The following LGI2 variants were observed in gnomAD, a reference collection of about 807,000 sequenced individuals.
The protein encoded by LGI2 is leucine-rich repeat LGI family member 2.
In LGI2, 30 loss-of-function variants were observed where a neutral mutation model predicts 52.0. The observed-to-expected ratio is 0.58, with a 90% CI of 0.43 to 0.78. The LOEUF (loss-of-function observed/expected upper bound fraction) is 0.78, where lower values mean the gene tolerates loss of function less well. LGI2 is among the 30% of genes least tolerant of loss of function. The pLI is 0.00. For missense variants in LGI2, 573 were observed against 692.5 expected, an observed-to-expected ratio of 0.83 and a Z score of 1.94; for synonymous variants, 270 against 271.8, an observed-to-expected ratio of 0.99 and a Z score of 0.06.
At chr4:25,024,567 C>T (rs1726079647) in intron 4 of LGI2, among the ~76,000 whole-genome samples, 1 of 152,198 alleles carries the variant, frequency 6.6e-6, no homozygotes, top group South Asian at 2.1e-4. Context: ...GTTCCTCACA[C>T]CCCAGGATGC....
At position 25,006,460 on chromosome 4, in the gene LGI2, C is replaced by T. The variant is rs143724347; in HGVS notation, c.821-2192G>A. On this transcript the variant is annotated intron_variant, in intron 7 of 7. Coordinates refer to ENST00000382114, the MANE Select transcript of LGI2 (RefSeq NM_018176.4). ...TCCATTTCTATCCTAAGGATTGGCT[C>T]TGGGGGCTGACACTGGGTGGTTTTC... Among the ~76,000 whole-genome samples, 1,382 of 152,302 alleles carry T rather than the reference C, an allele frequency of 9.1e-3. 21 individuals are homozygous for T. The highest frequency in any genetic ancestry group is 0.032 in the African/African-American group (1,318 of 41,562).
chr4:25,025,173 A>G (rs1726105575), intron 3 of LGI2, among the ~76,000 whole-genome samples: 1 of 152,206 alleles, frequency 6.6e-6, no homozygotes, highest in Admixed American at 6.5e-5. Flanking sequence ...GGAGAAATAA[A>G]GAAGAAAGCA....
chr4:25,008,504 G>A (rs901565979), intron 7 of LGI2, among the ~76,000 whole-genome samples: 1 of 133,560 alleles, frequency 7.5e-6, no homozygotes, highest in African/African-American at 2.8e-5. Context: ...AGTGAGCTGA[G>A]ATCACACCAC....
At chr4:25,022,514 T>C (rs555106033) in intron 4 of LGI2, among the ~76,000 whole-genome samples, 13 of 152,306 alleles carry the variant, frequency 8.5e-5, no homozygotes, top group Non-Finnish European at 1.6e-4. Flanking sequence ...ACGCATTCCA[T>C]GCTCGCTGGA....
At chr4:25,019,666 T>C (rs766985942) in intron 4 of LGI2, among the ~76,000 whole-genome samples, 14 of 152,146 alleles carry the variant, frequency 9.2e-5, no homozygotes, top group Non-Finnish European at 1.9e-4. Flanking sequence ...TGAGGCATGC[T>C]CCTACCCTCC....
chr4:25,027,832 C>T (rs1726197411), intron 2 of LGI2, among the ~76,000 whole-genome samples: 1 of 152,228 alleles, frequency 6.6e-6, no homozygotes, highest in African/African-American at 2.4e-5. Context: ...CATCAGCACA[C>T]ATTACCCAGC....
Position 25,004,494 on chromosome 4 carries a change from C to G in LGI2, c.821-226G>C, listed in dbSNP as rs1725342156. On this transcript the variant is annotated intron_variant, in intron 7 of 7. Transcript: ENST00000382114. This position sits in a 1 kb window ranked among gnomAD's most constrained non-coding sequence, Gnocchi z 4.6. ...TGAAAGCAGTGACTCAAAGAGATATCTGTACACCTAATGCTATAGACCAAA... is the reference window on the plus strand; with the variant it reads ...TGAAAGCAGTGACTCAAAGAGATATGTGTACACCTAATGCTATAGACCAAA... 6.6e-6 allele frequency among the ~76,000 whole-genome samples: 1 copy of G among 152,194 alleles called. No homozygotes were observed. The highest frequency in any genetic ancestry group is 6.5e-5 in the Admixed American group (1 of 15,284).
intron 7 of LGI2, among the ~76,000 whole-genome samples, chr4:25,005,519 A>G (rs115899239): frequency 0.024 from 3,679 of 152,214 alleles, 140 homozygotes; most frequent in African/African-American, 0.084. Flanking sequence ...ACAACATTTT[A>G]TACACAAATA....
In LGI2 at chr4:25,003,562, C is replaced by G; in HGVS notation, c.1527G>C (p.Ala509=). 6.2e-7 allele frequency: 1 copy of G among 1,614,036 alleles called. No individual in the cohort carries two copies. The highest frequency in any genetic ancestry group is 8.5e-7 in the Non-Finnish European group (1 of 1,179,940). Reference sequence around the variant, plus strand: ...TGGAGACAGCTGTGAATGAACGAGGCGCCTGCACGTAAATCTCCTTAAACT... The same window carrying G: ...TGGAGACAGCTGTGAATGAACGAGGGGCCTGCACGTAAATCTCCTTAAACT... ...FKKFKEIYVQ[A]PRSFTAVSTD... Residue 509 remains alanine, a synonymous_variant, in exon 8 of 8, where the codon GCG becomes GCC. Transcript: ENST00000382114.
Position 25,028,591 on chromosome 4 carries a change from G to A in LGI2, c.198-13C>T. 6.2e-7 allele frequency: 1 copy of A among 1,609,296 alleles called. No individual in the cohort carries two copies. Among genetic ancestry groups the A allele is most frequent in the South Asian group, 1.1e-5 (1 of 89,680 alleles). On this transcript the variant is annotated splice_polypyrimidine_tract_variant and intron_variant, in intron 1 of 7. Coordinates refer to ENST00000382114, the MANE Select transcript of LGI2 (RefSeq NM_018176.4). ...ATTTACCAGGCTCCTACGGGCAAAAGATGAACAAAAGTAGGCCTAGGTTTC... is the reference window on the plus strand; with the variant it reads ...ATTTACCAGGCTCCTACGGGCAAAAAATGAACAAAAGTAGGCCTAGGTTTC...
In LGI2 at chr4:25,003,708, A is replaced by T; in HGVS notation, c.1381T>A (p.Ser461Thr). Residue 461 changes from serine to threonine, a missense_variant, in exon 8 of 8, where the codon TCC (serine) becomes ACC (threonine). Coordinates refer to ENST00000382114, the MANE Select transcript of LGI2 (RefSeq NM_018176.4). ...KQFVEIQALP[S>T]RGAMTLQPFS... ...GGCTGCAGGGTCATGGCCCCCCGGG[A>T]TGGAAGAGCTTGGATCTCCACAAAC... 1 of 1,614,168 alleles carries T rather than the reference A, an allele frequency of 6.2e-7. No homozygotes were observed. Among genetic ancestry groups the T allele is most frequent in the Non-Finnish European group, 8.5e-7 (1 of 1,180,030 alleles).
intron 1 of LGI2, among the ~76,000 whole-genome samples, chr4:25,030,291 C>T (rs995621398): frequency 6.6e-6 from 1 of 152,226 alleles, no homozygotes; most frequent in African/African-American, 2.4e-5. Flanking sequence ...CCACAGGAAC[C>T]TGTCTGGGTT....
intron 6 of LGI2, among the ~76,000 whole-genome samples, chr4:25,014,621 G>T (rs951903385): frequency 5.9e-5 from 9 of 152,102 alleles, no homozygotes; most frequent in African/African-American, 1.7e-4. Flanking sequence ...TTGAGGCCAG[G>T]AGTTTGAGAC....
chr4:25,004,088 A>G lies in LGI2; in HGVS notation c.1001T>C (p.Ile334Thr), dbSNP rs370240701. The G allele has an allele frequency of 2.5e-6, 4 of 1,614,072 alleles. No individual in the cohort carries two copies. ...SKPNDIELFQIDDETFFVIAD... is the reference protein window; with the variant it reads ...SKPNDIELFQTDDETFFVIAD... ...GATGACAAAGAACGTCTCGTCGTCG[A>G]TCTGAAACAGCTCGATGTCATTGGG... Residue 334 changes from isoleucine (I) to threonine (T), a missense_variant, in exon 8 of 8, where the codon ATC (isoleucine) becomes ACC (threonine). By Grantham distance (89) the Ile-to-Thr change is moderately conservative (BLOSUM62 -1). Transcript: ENST00000382114. The surrounding 1 kb of genome is among the most constrained non-coding windows in gnomAD (Gnocchi z 4.6).
rs1422114339 is a variant in LGI2, at chr4:24,999,645, C to G, written c.*3806G>C. The G allele has an allele frequency of 3.1e-6, 1 of 322,030 alleles. No homozygotes were observed. Among genetic ancestry groups the G allele is most frequent in the Non-Finnish European group, 6.1e-6 (1 of 163,784 alleles). The allele number at this position is 322,030 out of a possible 1,614,324, so 19.9% of individuals were successfully genotyped here. A position where few individuals can be genotyped will look rare whatever the true frequency, so the allele number is the denominator to read the frequency against. On this transcript the variant is annotated 3_prime_UTR_variant, in exon 8 of 8. Transcript: ENST00000382114. ...TTAGGTGGCATGCAAATAGACTCCC[C>G]TCCTGCAGATCTTCATCTCACCTTC...
Position 25,004,615 on chromosome 4 carries a change from GCAGAGTCCT to G in LGI2, c.821-356_821-348del, listed in dbSNP as rs1159340896. 6.6e-6 allele frequency among the ~76,000 whole-genome samples: 1 copy of G among 152,132 alleles called. No homozygotes were observed. Among genetic ancestry groups the G allele is most frequent in the African/African-American group, 2.4e-5 (1 of 41,430 alleles). Reference sequence around the variant, plus strand: ...TTTGGGAGGTGATTAGGTCATGGGAGCAGAGTCCTCAGGAATGGGATTAGTGCCTTCCAA... The same window carrying G: ...TTTGGGAGGTGATTAGGTCATGGGAGCAGGAATGGGATTAGTGCCTTCCAA... On this transcript the variant is annotated intron_variant, in intron 7 of 7. Coordinates refer to ENST00000382114, the MANE Select transcript of LGI2 (RefSeq NM_018176.4). This position sits in a 1 kb window ranked among gnomAD's most constrained non-coding sequence, Gnocchi z 4.6.
chr4:25,009,324 G>A (rs905159676), intron 7 of LGI2, among the ~76,000 whole-genome samples: 1 of 152,120 alleles, frequency 6.6e-6, no homozygotes, highest in Non-Finnish European at 1.5e-5. Context: ...TGGACTTGCT[G>A]CTCCCTTTGC....
downstream of LGI2, among the ~76,000 whole-genome samples, chr4:24,996,411 C>A (rs148168812): frequency 1.4e-4 from 21 of 152,190 alleles, no homozygotes; most frequent in Non-Finnish European, 2.5e-4. Context: ...TAAGCCAAGA[C>A]GCTATAATCC....
chr4:25,019,261 C>T, intron 4 of LGI2, 23 bp from the exon 5 acceptor site: 2 of 1,520,810 alleles, frequency 1.3e-6, no homozygotes, highest in African/African-American at 2.7e-5. Context: ...AGTCACATTG[C>T]AATGTGATTA....
Sources: allele counts gnomAD v4.1 joint callset (sites outside exome capture counted in the v4.1 genomes callset), GRCh38; gene constraint gnomAD v4.1.1; non-coding constraint Gnocchi (gnomAD v3.1); transcripts MANE v1.5; gene names NCBI Gene and HGNC (gene_info 2026-07-23, HGNC 2026-07-21).